The following JMJD1C variants were observed in gnomAD, a reference collection of about 807,000 sequenced individuals.
The protein encoded by JMJD1C is jumonji domain containing 1C, also known as jumonji domain-containing protein 1C.
In JMJD1C, 31 loss-of-function variants were observed where a neutral mutation model predicts 245.3. The ratio of observed to expected loss-of-function variants is 0.13; its 90% CI spans 0.09 to 0.17. The LOEUF (loss-of-function observed/expected upper bound fraction) is 0.17. JMJD1C is among the 10% of genes least tolerant of loss of function. JMJD1C has a pLI of 1.00. For missense variants in JMJD1C, 2,691 were observed against 3,000.2 expected (o/e 0.90, Z 2.41); for synonymous variants, 1,057 against 1,017.4 (o/e 1.04, Z -0.74).
intron 1 of JMJD1C, among the ~76,000 whole-genome samples, chr10:63,494,065 CT>C: frequency 6.6e-6 from 1 of 152,168 alleles, no homozygotes; most frequent in Non-Finnish European, 1.5e-5. Context: ...AATCCCAGCA[CT>C]TTGGAAGGCC....
intron 14 of JMJD1C, among the ~76,000 whole-genome samples, chr10:63,193,878 G>A (rs1845138697): frequency 6.6e-6 from 1 of 152,200 alleles, no homozygotes; most frequent in African/African-American, 2.4e-5. Context: ...GTGTTAGCCA[G>A]GATGGTCTCG....
chr10:63,239,346 AGAG>A (rs1359383416), intron 3 of JMJD1C, among the ~76,000 whole-genome samples: 1 of 152,214 alleles, frequency 6.6e-6, no homozygotes, highest in Non-Finnish European at 1.5e-5. Flanking sequence ...GCCTTACGAT[AGAG>A]GAGAAGGGAC....
chr10:63,198,913 G>A (rs1845732943), intron 11 of JMJD1C, among the ~76,000 whole-genome samples, 186 bp from the exon 12 acceptor site: 1 of 152,080 alleles, frequency 6.6e-6, no homozygotes, highest in South Asian at 2.1e-4. Context: ...CAGGTGTTAT[G>A]CAAATGGCAA....
At position 63,207,463 on chromosome 10, in the gene JMJD1C, A is replaced by C; in HGVS notation, c.4206T>G (p.Ala1402=). 1 of 1,614,228 alleles carries C rather than the reference A, an allele frequency of 6.2e-7. No individual in the cohort carries two copies. Residue 1402 remains alanine (A), a synonymous_variant, in exon 10 of 26, where the codon GCT becomes GCG. Transcript: ENST00000399262. Reference sequence around the variant, plus strand: ...AGCTGGAAACACTGGTAGTATCGGCAGCAGATGTGATTACATCCGTTTTGG... The same window carrying C: ...AGCTGGAAACACTGGTAGTATCGGCCGCAGATGTGATTACATCCGTTTTGG... ...CNTKTDVITS[A]ADTTSVSSWG...
chr10:63,202,180 G>C (rs1846095361), intron 10 of JMJD1C: 2 of 416,062 alleles, frequency 4.8e-6, no homozygotes, highest in Non-Finnish European at 3.2e-6. Context: ...CTTGATCCCA[G>C]GGGGCGGAAG....
intron 3 of JMJD1C, among the ~76,000 whole-genome samples, chr10:63,229,529 T>C (rs1281878275): frequency 6.6e-6 from 1 of 152,150 alleles, no homozygotes; most frequent in Admixed American, 6.6e-5. Context: ...ATATAAAATA[T>C]GCTTAGTCTT....
At chr10:63,383,787 G>A (rs1386628538) in intron 1 of JMJD1C, among the ~76,000 whole-genome samples, 1 of 152,156 alleles carries the variant, frequency 6.6e-6, no homozygotes. Context: ...TGAGCTTTCA[G>A]AGAGTTGTAG....
rs374421378 is a variant in JMJD1C, at chr10:63,504,535, T to C, written n.113+17203A>G. Among the ~76,000 whole-genome samples, 9 of 152,170 alleles carry C rather than the reference T, an allele frequency of 5.9e-5. No homozygotes were observed. The East Asian group carries it at 1.4e-3, about 23-fold the overall frequency. On this transcript the variant is annotated intron_variant and non_coding_transcript_variant, in intron 1 of 3. Transcript: ENST00000633035. Reference sequence around the variant, plus strand: ...TTTACAGAAACAGAAGAAAGGCCAATAGGACTGAAGCTTAGTGGGCCAGGA... The same window carrying C: ...TTTACAGAAACAGAAGAAAGGCCAACAGGACTGAAGCTTAGTGGGCCAGGA...
chr10:63,266,937 G>A lies in JMJD1C; in HGVS notation c.334-2173C>T, dbSNP rs150563775. Among the ~76,000 whole-genome samples the A allele has an allele frequency of 7.4e-4, 113 of 152,122 alleles. No individual in the cohort carries two copies. The East Asian group carries it at 0.013, about 17-fold the overall frequency. ...TTCTAAGGGTAAATTTCAACAAGCC[G>A]ACCAATGATTTAAATTATTCTAAGT... On this transcript the variant is annotated intron_variant, in intron 2 of 25. Coordinates refer to ENST00000399262, the MANE Select transcript of JMJD1C (RefSeq NM_032776.3).
chr10:63,392,057 T>G (rs1948098042), intron 1 of JMJD1C, among the ~76,000 whole-genome samples: 1 of 152,206 alleles, frequency 6.6e-6, no homozygotes, highest in African/African-American at 2.4e-5. Flanking sequence ...GTTACAATTT[T>G]GCAAACACCG....
At chr10:63,487,479 A>G (rs1257788943) in intron 1 of JMJD1C, among the ~76,000 whole-genome samples, 1 of 152,228 alleles carries the variant, frequency 6.6e-6, no homozygotes, top group Admixed American at 6.5e-5. Context: ...TAAACATCCT[A>G]TAATGCCAAG....
intron 18 of JMJD1C, among the ~76,000 whole-genome samples, chr10:63,188,361 T>G (rs559870845): frequency 3.5e-4 from 54 of 152,270 alleles, no homozygotes; most frequent in African/African-American, 1.3e-3. Flanking sequence ...GGGTGAAAGA[T>G]TCAGCTTTCA....
In JMJD1C at chr10:63,222,281, G is replaced by A. The variant is rs562083885; in HGVS notation, c.448-2298C>T. Reference sequence around the variant, plus strand: ...TGTAACAGGGAGAGCTGTCGAGATTGGTGTTAAAAAGTTTATGATTACAGG... The same window carrying A: ...TGTAACAGGGAGAGCTGTCGAGATTAGTGTTAAAAAGTTTATGATTACAGG... On this transcript the variant is annotated intron_variant, in intron 3 of 25. Transcript: ENST00000399262. 160 of 973,160 alleles carry A rather than the reference G, an allele frequency of 1.6e-4. No individual in the cohort carries two copies. In the African/African-American group the frequency reaches 2.3e-3, roughly 14 times the overall value. 60.3% of individuals were successfully genotyped at this position (973,160 alleles called of 1,614,324 possible). A position where few individuals can be genotyped will look rare whatever the true frequency, so the allele number is the denominator to read the frequency against.
At chr10:63,403,098 G>A (rs1326496569) in intron 1 of JMJD1C, among the ~76,000 whole-genome samples, 1 of 152,122 alleles carries the variant, frequency 6.6e-6, no homozygotes, top group Non-Finnish European at 1.5e-5. Context: ...CCACTCTCTG[G>A]ATCTCTGCTT....
intron 1 of JMJD1C, among the ~76,000 whole-genome samples, chr10:63,382,235 G>A (rs1275283734): frequency 6.6e-6 from 1 of 152,072 alleles, no homozygotes; most frequent in Non-Finnish European, 1.5e-5. Context: ...AGAGTAAATA[G>A]TAAATACTTC....
rs145696635 is a variant in JMJD1C, at chr10:63,337,774, G to C, written c.333+42544C>G. ...AGCAAGCTGATGAGCCAGAAGATGTGTGATCATGCTCTCATGCCCTTTTCT... is the reference window on the plus strand; with the variant it reads ...AGCAAGCTGATGAGCCAGAAGATGTCTGATCATGCTCTCATGCCCTTTTCT... On this transcript the variant is annotated intron_variant, in intron 2 of 25. Coordinates refer to ENST00000399262, the MANE Select transcript of JMJD1C (RefSeq NM_032776.3). Among the ~76,000 whole-genome samples the C allele has an allele frequency of 3.1e-3, 470 of 152,160 alleles. 4 individuals are homozygous for C. The highest frequency in any genetic ancestry group is 0.011 in the African/African-American group (457 of 41,488).
chr10:63,382,797 T>C (rs761628854), intron 1 of JMJD1C: 2 of 456,008 alleles, frequency 4.4e-6, no homozygotes, highest in South Asian at 3.1e-5. Flanking sequence ...TCTGCTCCCT[T>C]ACACCTGAAG....
At chr10:63,376,212 G>C (rs1379271990) in intron 2 of JMJD1C, among the ~76,000 whole-genome samples, 1 of 151,482 alleles carries the variant, frequency 6.6e-6, no homozygotes, top group African/African-American at 2.4e-5. Flanking sequence ...AACAAATGGT[G>C]CTGGAAAAAG....
At chr10:63,515,878 A>T (rs959550941) in intron 1 of JMJD1C, among the ~76,000 whole-genome samples, 16 of 151,932 alleles carry the variant, frequency 1.1e-4, no homozygotes, top group African/African-American at 3.9e-4. Flanking sequence ...GGTTTTACAA[A>T]TTTTTTCCTA....
Sources: allele counts gnomAD v4.1 joint callset (sites outside exome capture counted in the v4.1 genomes callset), GRCh38; gene constraint gnomAD v4.1.1; transcripts MANE v1.5; gene names NCBI Gene and HGNC (gene_info 2026-07-23, HGNC 2026-07-21).